The following PCDHGA3 variants were observed in gnomAD, a reference collection of about 807,000 sequenced individuals.
PCDHGA3 encodes the protein protocadherin gamma subfamily A, 3, also known as protocadherin gamma-A3.
PCDHGA3 carries 40 observed loss-of-function variants against 58.5 expected under a neutral mutation model. That is an observed-to-expected ratio of 0.68 (90% confidence interval 0.53 to 0.89). PCDHGA3 has a LOEUF of 0.89. Among genes scored for constraint, PCDHGA3 ranks in the 40% least tolerant of loss-of-function variants. PCDHGA3 has a pLI of 0.00. For missense variants in PCDHGA3, 1,223 were observed against 1,195.9 expected, an observed-to-expected ratio of 1.02 and a Z score of -0.33; for synonymous variants, 530 against 525.7, an observed-to-expected ratio of 1.01 and a Z score of -0.11.
At chr5:141,374,758 C>A (rs1316048031) in intron 1 of PCDHGA3, 3 of 1,613,200 alleles carry the variant, frequency 1.9e-6, no homozygotes, top group Non-Finnish European at 2.5e-6. Context: ...GCTCAAGCGT[C>A]GCCCAAATTC....
chr5:141,404,475 A>G, intron 1 of PCDHGA3: 1 of 1,613,732 alleles, frequency 6.2e-7, no homozygotes, highest in Non-Finnish European at 8.5e-7. Flanking sequence ...GTCTCTATTA[A>G]CTCAGACACT....
intron 1 of PCDHGA3, among the ~76,000 whole-genome samples, chr5:141,451,875 T>C (rs747595781): frequency 5.9e-5 from 9 of 151,594 alleles, no homozygotes; most frequent in Non-Finnish European, 1.3e-4. Context: ...AATGAAACCC[T>C]GTCAAGAAAG....
In PCDHGA3 at chr5:141,345,326, A is replaced by G; in HGVS notation, c.1293A>G (p.Pro431=). The change falls in exon 1 of 4, where the codon CCA becomes CCG. Residue 431 remains proline (P), a synonymous_variant. Transcript: ENST00000253812. ...GAGCCTCAGATGGGGGAAGCCCGCCACTGTCCACAGAAACTCACATCACCC... is the reference window on the plus strand; with the variant it reads ...GAGCCTCAGATGGGGGAAGCCCGCCGCTGTCCACAGAAACTCACATCACCC... ...SLRASDGGSP[P]LSTETHITLH... 6.2e-7 allele frequency: 1 copy of G among 1,614,000 alleles called. No homozygotes were observed. The highest frequency in any genetic ancestry group is 8.5e-7 in the Non-Finnish European group (1 of 1,179,908).
rs766260971 is a variant in PCDHGA3 at position 141,365,497 on chromosome 5, T to A, written c.2424+19040T>A. On this transcript the variant is annotated intron_variant, in intron 1 of 3. Transcript: ENST00000253812. ...AGATTGCATGCTCTATTCCTAGGAA[T>A]TTGCCTTTTAAATTGGAGAAGTCAG... 3.1e-6 allele frequency: 5 copies of A among 1,613,978 alleles called. No homozygotes were observed. The South Asian group carries it at 4.4e-5, about 14-fold the overall frequency.
intron 1 of PCDHGA3, chr5:141,374,740 C>A (rs1337639511): frequency 6.2e-7 from 1 of 1,611,592 alleles, no homozygotes; most frequent in Admixed American, 1.7e-5. Context: ...ATGGCGGCGA[C>A]CCTGTCCGCT....
At position 141,476,669 on chromosome 5, in the gene PCDHGA3, C is replaced by G; in HGVS notation, c.2425-18138C>G. ...AAATGAATACTTTGCGCTTCGCGTGCAGACGCGGGAGGACAGCACCAAGTA... is the reference window on the plus strand; with the variant it reads ...AAATGAATACTTTGCGCTTCGCGTGGAGACGCGGGAGGACAGCACCAAGTA... On this transcript the variant is annotated intron_variant, in intron 1 of 3. Coordinates refer to ENST00000253812, the MANE Select transcript of PCDHGA3 (RefSeq NM_018916.4). This position sits in a 1 kb window ranked among gnomAD's most constrained non-coding sequence, Gnocchi z 7.6. 6.2e-7 allele frequency: 1 copy of G among 1,614,246 alleles called. No individual in the cohort carries two copies. The highest frequency in any genetic ancestry group is 1.1e-5 in the South Asian group (1 of 91,086).
chr5:141,366,553 G>A (rs1209299928), intron 1 of PCDHGA3: 1 of 1,614,252 alleles, frequency 6.2e-7, no homozygotes, highest in Non-Finnish European at 8.5e-7. Context: ...CGCACTTTGT[G>A]GGCGTGGATG....
intron 2 of PCDHGA3, among the ~76,000 whole-genome samples, chr5:141,497,390 C>T (rs2099776143): frequency 6.6e-6 from 1 of 152,158 alleles, no homozygotes; most frequent in Non-Finnish European, 1.5e-5. Context: ...GAGCACCTTA[C>T]CCCTGCCTCA....
chr5:141,476,016 G>A lies in PCDHGA3; in HGVS notation c.2425-18791G>A. 7.4e-7 allele frequency: 1 copy of A among 1,359,386 alleles called. No individual in the cohort carries two copies. 84.2% of individuals were successfully genotyped at this position (1,359,386 alleles called of 1,614,324 possible). A position where few individuals can be genotyped will look rare whatever the true frequency, so the allele number is the denominator to read the frequency against. On this transcript the variant is annotated intron_variant, in intron 1 of 3. Coordinates refer to ENST00000253812, the MANE Select transcript of PCDHGA3 (RefSeq NM_018916.4). This position sits in a 1 kb window ranked among gnomAD's most constrained non-coding sequence, Gnocchi z 7.6. ...TCAACGGCATCCAGAAAGCCATGTC[G>A]GACTCGGCGCCCAGCGCCCAAGCGC...
intron 1 of PCDHGA3, among the ~76,000 whole-genome samples, chr5:141,450,726 A>G (rs1302961852): frequency 2.0e-5 from 3 of 151,932 alleles, no homozygotes; most frequent in Admixed American, 2.0e-4. Flanking sequence ...ACCTCAGGTG[A>G]TCCGCCCGCC....
chr5:141,345,474 A>G lies in PCDHGA3; in HGVS notation c.1441A>G (p.Ser481Gly). ...IFSVTAQDPD[S>G]NNNARITYAL... ...CTCAGTGACAGCCCAGGACCCAGAT[A>G]GCAACAACAACGCCCGCATCACTTA... Residue 481 changes from serine (S) to glycine (G), a missense_variant, in exon 1 of 4, where the codon AGC becomes GGC. Ser to Gly is a moderately conservative substitution (Grantham distance 56). Transcript: ENST00000253812. 6.2e-7 allele frequency: 1 copy of G among 1,613,978 alleles called. No individual in the cohort carries two copies. The highest frequency in any genetic ancestry group is 8.5e-7 in the Non-Finnish European group (1 of 1,179,998).
rs757065593 is a variant in PCDHGA3, at chr5:141,418,576, C to G, written c.2424+72119C>G. 1.5e-5 allele frequency: 25 copies of G among 1,614,012 alleles called. No homozygotes were observed. In the South Asian group the frequency reaches 2.7e-4, roughly 18 times the overall value. On this transcript the variant is annotated intron_variant, in intron 1 of 3. Transcript: ENST00000253812. ...TGGTAATAGATGCCAATGACAACCCCCCAGTGTTCAGCCAGGACGTGTACA... is the reference window on the plus strand; with the variant it reads ...TGGTAATAGATGCCAATGACAACCCGCCAGTGTTCAGCCAGGACGTGTACA...
intron 1 of PCDHGA3, chr5:141,371,141 C>A: frequency 2.2e-5 from 35 of 1,613,982 alleles, no homozygotes; most frequent in Non-Finnish European, 2.8e-5. Context: ...TGTACAGGGT[C>A]AATGTTGCAG....
At chr5:141,434,515 G>A (rs1032584764) in intron 1 of PCDHGA3, among the ~76,000 whole-genome samples, 1 of 152,296 alleles carries the variant, frequency 6.6e-6, no homozygotes, top group African/African-American at 2.4e-5. Context: ...CTGCTTAAAG[G>A]TGTTCTTAAA....
intron 1 of PCDHGA3, chr5:141,364,635 G>A (rs1211803490): frequency 2.5e-6 from 4 of 1,614,038 alleles, no homozygotes; most frequent in African/African-American, 1.3e-5. Context: ...AGCCCACTGT[G>A]TGTGGTGAAC....
chr5:141,371,779 C>T (rs1376819850), intron 1 of PCDHGA3: 2 of 1,614,012 alleles, frequency 1.2e-6, no homozygotes, highest in Non-Finnish European at 1.7e-6. Context: ...GTGCATGTAG[C>T]TGAGAACAAT....
chr5:141,370,843 C>A (rs765653454), intron 1 of PCDHGA3: 1 of 1,614,052 alleles, frequency 6.2e-7, no homozygotes, highest in South Asian at 1.1e-5. Flanking sequence ...CTCACTGGAG[C>A]CACATTTGCC....
rs148798222 is a variant in PCDHGA3, at chr5:141,432,106, G to A, written c.2425-62701G>A. On this transcript the variant is annotated intron_variant, in intron 1 of 3. Coordinates refer to ENST00000253812, the MANE Select transcript of PCDHGA3 (RefSeq NM_018916.4). This position sits in a 1 kb window ranked among gnomAD's most constrained non-coding sequence, Gnocchi z 6.0. The stretch of plus-strand genomic sequence containing the variant: ...ACGTGGCAGACACCAACGACAACCC[G>A]CCGGTCTTCCCTCAGGCCTCCTATT... 4 of 1,614,068 alleles carry A rather than the reference G, an allele frequency of 2.5e-6. No homozygotes were observed. Among genetic ancestry groups the A allele is most frequent in the Non-Finnish European group, 3.4e-6 (4 of 1,180,020 alleles).
intron 1 of PCDHGA3, chr5:141,423,194 C>T (rs1467994226): frequency 3.7e-6 from 6 of 1,613,588 alleles, no homozygotes; most frequent in South Asian, 1.1e-5. Context: ...CCCCCTCTCT[C>T]GGCCACCGTC....
Sources: allele counts gnomAD v4.1 joint callset (sites outside exome capture counted in the v4.1 genomes callset), GRCh38; gene constraint gnomAD v4.1.1; non-coding constraint Gnocchi (gnomAD v3.1); transcripts MANE v1.5; gene names NCBI Gene and HGNC (gene_info 2026-07-23, HGNC 2026-07-21).